The following STXBP5 variants were observed in gnomAD, a reference collection of about 807,000 sequenced individuals.
STXBP5 encodes syntaxin-binding protein 5.
In STXBP5, 50 loss-of-function variants were observed where a neutral mutation model predicts 152.4. That is an observed-to-expected ratio of 0.33 (90% CI 0.26 to 0.42). The LOEUF (loss-of-function observed/expected upper bound fraction) is 0.42, where lower values mean the gene tolerates loss of function less well. STXBP5 is among the 10% of genes least tolerant of loss of function. The pLI, the probability that STXBP5 is intolerant of heterozygous loss-of-function variation, is 1.00. For missense variants in STXBP5, 1,167 were observed against 1,388.6 expected, an observed-to-expected ratio of 0.84 and a Z score of 2.54; for synonymous variants, 492 against 494.7, an observed-to-expected ratio of 0.99 and a Z score of 0.07.
intron 2 of STXBP5, among the ~76,000 whole-genome samples, chr6:147,219,354 T>G (rs897336930): frequency 6.6e-6 from 1 of 152,170 alleles, no homozygotes; most frequent in Non-Finnish European, 1.5e-5. Context: ...TGCATCCATC[T>G]TCATGAGAAG....
intron 18 of STXBP5, among the ~76,000 whole-genome samples, chr6:147,331,642 A>G (rs974203213): frequency 2.6e-5 from 4 of 152,176 alleles, no homozygotes; most frequent in African/African-American, 9.7e-5. Flanking sequence ...ACAACTTCGT[A>G]TGTGCCAGTA....
At chr6:147,317,375 T>C (rs1366637165) in intron 16 of STXBP5, among the ~76,000 whole-genome samples, 2 of 152,174 alleles carry the variant, frequency 1.3e-5, no homozygotes, top group African/African-American at 2.4e-5. Flanking sequence ...TAGAAAATTA[T>C]ATGTTTACAA....
chr6:147,283,052 C>T (rs1780776010), intron 8 of STXBP5, among the ~76,000 whole-genome samples: 1 of 152,010 alleles, frequency 6.6e-6, no homozygotes, highest in Non-Finnish European at 1.5e-5. Context: ...CTGTCCTGGG[C>T]TACATGTGGC....
Position 147,315,812 on chromosome 6 carries a change from T to C in STXBP5, c.1623+77T>C, listed in dbSNP as rs868428207. ...TAAATTTGTGGATGATTTGGAAGAC[T>C]TTTTGCAGTCAGTTTTGTGCAGAAC... On this transcript the variant is annotated intron_variant, in intron 15 of 27. Transcript: ENST00000321680. 1.0e-5 allele frequency: 14 copies of C among 1,367,600 alleles called. No homozygotes were observed. The Middle Eastern group carries it at 1.7e-3, about 163-fold the overall frequency. The allele number at this position is 1,367,600 out of a possible 1,614,324, so 84.7% of individuals were successfully genotyped here. A position where few individuals can be genotyped will look rare whatever the true frequency, so the allele number is the denominator to read the frequency against.
chr6:147,206,763 A>T (rs1034529236), intron 2 of STXBP5, among the ~76,000 whole-genome samples: 4 of 152,168 alleles, frequency 2.6e-5, no homozygotes, highest in African/African-American at 9.6e-5. Context: ...TATGAACTAT[A>T]TTAGTTTTAT....
intron 21 of STXBP5, among the ~76,000 whole-genome samples, chr6:147,339,706 T>G (rs1430930762): frequency 6.6e-6 from 1 of 151,984 alleles, no homozygotes; most frequent in Non-Finnish European, 1.5e-5. Flanking sequence ...AAGCAATGGT[T>G]TCTTTATAGT....
At chr6:147,242,307 T>G (rs1778589343) in intron 4 of STXBP5, among the ~76,000 whole-genome samples, 1 of 151,704 alleles carries the variant, frequency 6.6e-6, no homozygotes. Context: ...TATAAAAGAG[T>G]CAAAAAGTGA....
At chr6:147,339,726 G>GT (rs1183765684) in intron 21 of STXBP5, among the ~76,000 whole-genome samples, 2 of 151,766 alleles carry the variant, frequency 1.3e-5, no homozygotes, top group Non-Finnish European at 3.0e-5. Flanking sequence ...TTTTATTTGT[G>GT]TTTTTTCTAC....
chr6:147,261,027 A>G (rs1039390166), intron 5 of STXBP5, among the ~76,000 whole-genome samples: 4 of 152,148 alleles, frequency 2.6e-5, no homozygotes, highest in African/African-American at 9.6e-5. Flanking sequence ...AGTCATTCCT[A>G]CTAATGAAAA....
intron 3 of STXBP5, among the ~76,000 whole-genome samples, chr6:147,236,227 C>T (rs976585721): frequency 5.3e-5 from 8 of 152,108 alleles, no homozygotes; most frequent in Admixed American, 5.2e-4. Flanking sequence ...TTGCAGTTGT[C>T]TAGATTTTTC....
intron 2 of STXBP5, among the ~76,000 whole-genome samples, chr6:147,214,134 TATACA>T (rs1385336480): frequency 6.6e-6 from 1 of 152,218 alleles, no homozygotes; most frequent in Non-Finnish European, 1.5e-5. Flanking sequence ...TTCAGGTTTC[TATACA>T]ATACAATTAT....
chr6:147,314,448 TAAG>T, intron 13 of STXBP5, 117 bp downstream of exon 13: 1 of 1,278,020 alleles, frequency 7.8e-7, no homozygotes. Flanking sequence ...CGTAATATAA[TAAG>T]AAATGTTATT....
rs1783238376 is a variant in STXBP5, at chr6:147,326,058, T to C, written c.1928+974T>C. 2.0e-5 allele frequency among the ~76,000 whole-genome samples: 3 copies of C among 152,192 alleles called. No individual in the cohort carries two copies. The South Asian group carries it at 6.2e-4, about 32-fold the overall frequency. Reference sequence around the variant, plus strand: ...CCATTTTGTATTGAGGACTTGAACATCCGCAGATTTTAGTATCTGTGGGGG... The same window carrying C: ...CCATTTTGTATTGAGGACTTGAACACCCGCAGATTTTAGTATCTGTGGGGG... On this transcript the variant is annotated intron_variant, in intron 17 of 27. Transcript: ENST00000321680.
chr6:147,293,530 G>A (rs1488766262), intron 9 of STXBP5: 1 of 152,096 alleles, frequency 6.6e-6, no homozygotes, highest in African/African-American at 2.4e-5. Flanking sequence ...GTTCCTATCA[G>A]GTATCATAAG....
chr6:147,218,357 A>T (rs1439798533), intron 2 of STXBP5, among the ~76,000 whole-genome samples: 1 of 101,010 alleles, frequency 9.9e-6, no homozygotes, highest in East Asian at 2.8e-4. Context: ...CATATTTGTT[A>T]GATTTATATT....
intron 14 of STXBP5, 83 bp from the exon 15 acceptor site, chr6:147,315,432 A>G (rs1782593030): frequency 1.1e-6 from 1 of 892,180 alleles, no homozygotes. Flanking sequence ...ACCATTTTCT[A>G]TACATAGTAT....
intron 9 of STXBP5, among the ~76,000 whole-genome samples, chr6:147,308,436 G>T (rs560479651): frequency 5.3e-5 from 8 of 152,232 alleles, no homozygotes; most frequent in African/African-American, 1.9e-4. Context: ...AATGAGTAGT[G>T]CAACACACAT....
At chr6:147,375,538 AAG>A (rs1785768113) in intron 26 of STXBP5, among the ~76,000 whole-genome samples, 1 of 151,862 alleles carries the variant, frequency 6.6e-6, no homozygotes, top group African/African-American at 2.4e-5. Context: ...GGATTAAAAA[AAG>A]AAGTTGCTGT....
chr6:147,212,790 T>C (rs1776925306), intron 2 of STXBP5, among the ~76,000 whole-genome samples: 2 of 152,198 alleles, frequency 1.3e-5, no homozygotes, highest in Admixed American at 1.3e-4. Context: ...AAAGAGCATG[T>C]GAATGAACTA....
Sources: gnomAD v4.1 joint callset for allele counts (sites outside exome capture counted in the v4.1 genomes callset) on GRCh38, gnomAD v4.1.1 for gene constraint, MANE v1.5 for transcripts, NCBI Gene and HGNC (gene_info 2026-07-23, HGNC 2026-07-21) for gene names.